Variants in GOSR2 observed in about 807,000 individuals in gnomAD.
GOSR2 encodes 27 kDa Golgi SNARE protein.
A neutral mutation model predicts 27.9 loss-of-function variants in GOSR2; 20 were observed. The observed-to-expected ratio is 0.72, with a 90% CI of 0.50 to 1.04. GOSR2 has a LOEUF of 1.04. Among genes scored for constraint, GOSR2 ranks in the 50% least tolerant of loss-of-function variants. The probability of loss-of-function intolerance (pLI) is 0.00; values close to 1 mark genes in which losing one functional copy is unlikely to be tolerated. For synonymous variants in GOSR2, 91 were observed against 98.8 expected, an observed-to-expected ratio of 0.92 and a Z score of 0.47; for missense variants, 261 against 270.5, an observed-to-expected ratio of 0.97 and a Z score of 0.25.
At chr17:46,932,499 G>A (rs915930320) in intron 4 of GOSR2, 10 of 591,922 alleles carry the variant, frequency 1.7e-5, no homozygotes, top group African/African-American at 9.3e-5. Context: ...TGGTGGAAAC[G>A]TTTTTCTGAT....
intron 4 of GOSR2, among the ~76,000 whole-genome samples, chr17:46,934,283 C>A (rs905429170): frequency 6.6e-6 from 1 of 152,064 alleles, no homozygotes; most frequent in African/African-American, 2.4e-5. Flanking sequence ...TGGACAGATT[C>A]CTTGAGCACA....
intron 6 of GOSR2, among the ~76,000 whole-genome samples, chr17:46,958,094 G>A (rs1188533045): frequency 1.3e-5 from 2 of 152,172 alleles, no homozygotes; most frequent in Non-Finnish European, 2.9e-5. Context: ...TGGAGAGTGG[G>A]TCTCCTCTCC....
intron 1 of GOSR2, among the ~76,000 whole-genome samples, chr17:46,925,291 G>A (rs2086323810): frequency 6.6e-6 from 1 of 152,160 alleles, no homozygotes; most frequent in African/African-American, 2.4e-5. Context: ...ACAAGCAGTG[G>A]GCCAGCTTTG....
chr17:46,945,409 A>G (rs766111970), downstream of GOSR2, among the ~76,000 whole-genome samples: 74 of 152,198 alleles, frequency 4.9e-4, 1 homozygote, highest in Admixed American at 1.2e-3. Flanking sequence ...TTGAGGTGCA[A>G]CGTAGTGTGA....
At chr17:46,949,546 G>A (rs1338373792) in intron 6 of GOSR2, among the ~76,000 whole-genome samples, 4 of 152,190 alleles carry the variant, frequency 2.6e-5, no homozygotes, top group East Asian at 1.9e-4. Context: ...GAATTGACAC[G>A]GTGGGTGGCC....
downstream of GOSR2, among the ~76,000 whole-genome samples, chr17:46,944,853 G>C: frequency 6.6e-6 from 1 of 152,102 alleles, no homozygotes; most frequent in East Asian, 1.9e-4. Context: ...ACCCACCTCG[G>C]CCTCCCAAAG....
downstream of GOSR2, among the ~76,000 whole-genome samples, chr17:46,943,333 C>G (rs537156597): frequency 6.6e-6 from 1 of 152,320 alleles, no homozygotes; most frequent in East Asian, 1.9e-4. Context: ...CAGGCCAGCT[C>G]TTCGCTGCCC....
Position 46,938,841 on chromosome 17 carries a change from G to C in GOSR2, c.*81G>C. 1.2e-6 allele frequency: 2 copies of C among 1,604,608 alleles called. No homozygotes were observed. The highest frequency in any genetic ancestry group is 3.4e-5 in the Admixed American group (2 of 59,156). On this transcript the variant is annotated 3_prime_UTR_variant, in exon 6 of 6. Coordinates refer to ENST00000640051, the MANE Select transcript of GOSR2 (RefSeq NM_004287.5). ...TGTGAAAGAGAGAGGGGGGCCCAGA[G>C]GCCGCCTTTTGAAATGTTTGCCTGT...
rs372275693 is a variant in GOSR2 at position 46,974,666 on chromosome 17, A to G, written c.616-533A>G. 4.4e-4 allele frequency among the ~76,000 whole-genome samples: 67 copies of G among 152,022 alleles called. No homozygotes were observed. The East Asian group carries it at 8.5e-3, about 19-fold the overall frequency. The stretch of plus-strand genomic sequence containing the variant: ...GGAGGATGGCGTGAACCCGGGAGGC[A>G]GAGCTTGCAGTGAGCCCAGATCGCA... On this transcript the variant is annotated intron_variant, in intron 6 of 6. Transcript: ENST00000640723.
chr17:46,952,135 G>A (rs2090404378), intron 6 of GOSR2, among the ~76,000 whole-genome samples: 1 of 152,186 alleles, frequency 6.6e-6, no homozygotes, highest in African/African-American at 2.4e-5. Flanking sequence ...GTGGGTGGAT[G>A]TCATTTATCT....
chr17:46,929,632 T>C, intron 2 of GOSR2, 48 bp downstream of exon 2: 1 of 926,864 alleles, frequency 1.1e-6, no homozygotes, highest in Non-Finnish European at 1.8e-6. Flanking sequence ...GATGACAGGG[T>C]GCTAATGGGC....
chr17:46,941,928 C>T lies in GOSR2; in HGVS notation c.*3168C>T, dbSNP rs182911438. 11 of 985,176 alleles carry T rather than the reference C, an allele frequency of 1.1e-5. No homozygotes were observed. In the Admixed American group the frequency reaches 6.1e-4, roughly 55 times the overall value. The allele number at this position is 985,176 out of a possible 1,614,324, so 61.0% of individuals were successfully genotyped here. On this transcript the variant is annotated 3_prime_UTR_variant, in exon 6 of 6. Coordinates refer to ENST00000640051, the MANE Select transcript of GOSR2 (RefSeq NM_004287.5). ...GTGTGTATTTTGGAACCACTGTCTCCTAGACAGAAAGCTTCTGTCTCAAAG... is the reference window on the plus strand; with the variant it reads ...GTGTGTATTTTGGAACCACTGTCTCTTAGACAGAAAGCTTCTGTCTCAAAG...
At chr17:46,931,382 A>T in intron 3 of GOSR2, 175 bp downstream of exon 3, 1 of 629,344 alleles carries the variant, frequency 1.6e-6, no homozygotes, top group Non-Finnish European at 2.9e-6. Context: ...TGCCGCTCAA[A>T]ATAAATAGCC....
intron 6 of GOSR2, among the ~76,000 whole-genome samples, chr17:46,951,374 A>G (rs1282208575): frequency 2.6e-5 from 4 of 151,924 alleles, no homozygotes; most frequent in African/African-American, 9.7e-5. Flanking sequence ...TTACCCATCA[A>G]TTTCATCCTT....
rs2089236376 is a variant in GOSR2 at position 46,941,234 on chromosome 17, T to G, written c.*2474T>G. On this transcript the variant is annotated 3_prime_UTR_variant, in exon 6 of 6. Transcript: ENST00000640051. ...TTAGAGGAGTCTTGATTTTTTAGAC[T>G]TCACTGCGGAGTTCTGTACACCCTT... 1 of 995,692 alleles carries G rather than the reference T, an allele frequency of 1.0e-6. No homozygotes were observed. Among genetic ancestry groups the G allele is most frequent in the Admixed American group, 5.3e-5 (1 of 18,884 alleles). 61.7% of individuals were successfully genotyped at this position (995,692 alleles called of 1,614,324 possible).
At chr17:46,944,168 C>T (rs754588286), downstream of GOSR2, among the ~76,000 whole-genome samples, 48 of 152,298 alleles carry the variant, frequency 3.2e-4, 1 homozygote, top group Non-Finnish European at 5.0e-4. Context: ...ATCTTTATTC[C>T]GTCTTCCAGA....
chr17:46,959,119 A>G (rs1446217158), intron 6 of GOSR2, among the ~76,000 whole-genome samples: 1 of 152,198 alleles, frequency 6.6e-6, no homozygotes, highest in African/African-American at 2.4e-5. Flanking sequence ...GGAATCTAGA[A>G]TGTGGCTAGG....
downstream of GOSR2, among the ~76,000 whole-genome samples, chr17:46,969,878 T>C (rs1369686788): frequency 2.0e-5 from 3 of 152,176 alleles, no homozygotes; most frequent in African/African-American, 7.2e-5. Flanking sequence ...GCCCCCTCTC[T>C]GGTGCCCACT....
At chr17:46,946,368 G>A (rs1237024991), downstream of GOSR2, among the ~76,000 whole-genome samples, 1 of 151,144 alleles carries the variant, frequency 6.6e-6, no homozygotes, top group Non-Finnish European at 1.5e-5. Context: ...GGCTGAGGCA[G>A]GAGAATTGCT....
Sources: gnomAD v4.1 joint callset for allele counts (sites outside exome capture counted in the v4.1 genomes callset) on GRCh38, gnomAD v4.1.1 for gene constraint, MANE v1.5 for transcripts, NCBI Gene and HGNC (gene_info 2026-07-23, HGNC 2026-07-21) for gene names.